Variants in MECOM observed in about 807,000 individuals in gnomAD.
The protein encoded by MECOM is histone-lysine N-methyltransferase MECOM.
Under a neutral mutation model 116.3 loss-of-function variants are expected in MECOM, and 13 were observed. That is an observed-to-expected ratio of 0.11 (90% CI 0.07 to 0.18). The LOEUF (loss-of-function observed/expected upper bound fraction) is 0.18. Ranked by LOEUF, MECOM falls within the 10% of genes least tolerant of loss-of-function variation. The pLI is 1.00. For synonymous variants in MECOM, 528 were observed against 535.2 expected (o/e 0.99, Z 0.19); for missense variants, 1,299 against 1,509.0 (o/e 0.86, Z 2.31).
At chr3:169,089,857 T>C (rs1719083965) in intron 15 of MECOM, 143 bp downstream of exon 15, 1 of 1,321,006 alleles carries the variant, frequency 7.6e-7, no homozygotes, top group African/African-American at 1.5e-5. Context: ...TTCATCTATT[T>C]AAATCTGATC....
At chr3:169,620,303 C>T (rs983550355) in intron 1 of MECOM, among the ~76,000 whole-genome samples, 1 of 152,212 alleles carries the variant, frequency 6.6e-6, no homozygotes, top group Non-Finnish European at 1.5e-5. Flanking sequence ...TCTGCTTCCT[C>T]TCTGTTAATG....
chr3:169,384,891 TCAA>T (rs1490149222), intron 1 of MECOM, among the ~76,000 whole-genome samples: 2 of 151,872 alleles, frequency 1.3e-5, no homozygotes, highest in East Asian at 3.9e-4. Context: ...TTGCCTGAGC[TCAA>T]GCGTTCGAGA....
At chr3:169,192,791 C>T (rs1747887386) in intron 2 of MECOM, among the ~76,000 whole-genome samples, 1 of 151,988 alleles carries the variant, frequency 6.6e-6, no homozygotes, top group Non-Finnish European at 1.5e-5. Flanking sequence ...TAAAGACCTC[C>T]CCTGAATTAT....
In MECOM at chr3:169,564,645, T is replaced by C. The variant is rs554892834; in HGVS notation, c.37+98691A>G. Among the ~76,000 whole-genome samples the C allele has an allele frequency of 2.6e-4, 40 of 152,378 alleles. No homozygotes were observed. In the South Asian group the frequency reaches 8.1e-3, roughly 31 times the overall value. On this transcript the variant is annotated intron_variant, in intron 1 of 16. Coordinates refer to ENST00000651503, the MANE Select transcript of MECOM (RefSeq NM_004991.4). Reference sequence around the variant, plus strand: ...CTTATATAAAAAATGGTATTGCCCATGCAAGTCCAATGAAACAAGTTTCCT... The same window carrying C: ...CTTATATAAAAAATGGTATTGCCCACGCAAGTCCAATGAAACAAGTTTCCT...
At chr3:169,362,547 T>G (rs1159986592) in intron 2 of MECOM, among the ~76,000 whole-genome samples, 1 of 151,696 alleles carries the variant, frequency 6.6e-6, no homozygotes, top group African/African-American at 2.4e-5. Flanking sequence ...ATGGCCAGAT[T>G]GTTGAGGAAA....
intron 1 of MECOM, among the ~76,000 whole-genome samples, chr3:169,455,475 G>A (rs1746321318): frequency 6.6e-6 from 1 of 152,114 alleles, no homozygotes. Context: ...CTATTAAAGG[G>A]ATCATAGAAG....
chr3:169,090,599 T>C (rs1719391168), intron 14 of MECOM, among the ~76,000 whole-genome samples: 1 of 152,016 alleles, frequency 6.6e-6, no homozygotes, highest in Non-Finnish European at 1.5e-5. Flanking sequence ...GCCATGTAAG[T>C]ACCCACCATT....
intron 2 of MECOM, among the ~76,000 whole-genome samples, chr3:169,299,400 G>A (rs1224696120): frequency 6.6e-6 from 1 of 152,168 alleles, no homozygotes; most frequent in East Asian, 1.9e-4. Context: ...TTCCTCACCT[G>A]ATTCTACCAG....
At chr3:169,136,077 A>G (rs897076356) in intron 3 of MECOM, among the ~76,000 whole-genome samples, 3 of 151,724 alleles carry the variant, frequency 2.0e-5, no homozygotes, top group Non-Finnish European at 4.4e-5. Flanking sequence ...ATTTATTTTA[A>G]TCAAACCCTG....
At chr3:169,199,777 A>G (rs768170074) in intron 2 of MECOM, among the ~76,000 whole-genome samples, 2 of 152,108 alleles carry the variant, frequency 1.3e-5, no homozygotes, top group African/African-American at 2.4e-5. Context: ...AAGGGATTAG[A>G]TAAGTTGAGA....
At chr3:169,350,161 C>T (rs1045820251) in intron 2 of MECOM, among the ~76,000 whole-genome samples, 1 of 151,920 alleles carries the variant, frequency 6.6e-6, no homozygotes, top group Non-Finnish European at 1.5e-5. Flanking sequence ...TGGTTTTGTG[C>T]TTGTTATTCT....
At chr3:169,089,462 CAT>C (rs1172983818) in intron 15 of MECOM, among the ~76,000 whole-genome samples, 1 of 152,082 alleles carries the variant, frequency 6.6e-6, no homozygotes, top group Non-Finnish European at 1.5e-5. Context: ...AGACAGAATT[CAT>C]ATATTCATTA....
intron 2 of MECOM, among the ~76,000 whole-genome samples, chr3:169,273,201 A>G (rs944055755): frequency 1.3e-5 from 2 of 152,180 alleles, no homozygotes; most frequent in African/African-American, 4.8e-5. Flanking sequence ...TTTGCCACAA[A>G]TAAGGCATCA....
intron 1 of MECOM, among the ~76,000 whole-genome samples, chr3:169,598,962 A>G (rs997186745): frequency 1.3e-5 from 2 of 152,210 alleles, no homozygotes; most frequent in African/African-American, 4.8e-5. Flanking sequence ...GTGACTGCCT[A>G]ATAGAATTGT....
At chr3:169,601,802 A>G (rs1389557891) in intron 1 of MECOM, among the ~76,000 whole-genome samples, 1 of 152,218 alleles carries the variant, frequency 6.6e-6, no homozygotes, top group East Asian at 1.9e-4. Context: ...AAACTGCACA[A>G]ATTCCAAAAT....
chr3:169,415,897 GAGACTT>G (rs1738507346), intron 1 of MECOM, among the ~76,000 whole-genome samples: 1 of 152,042 alleles, frequency 6.6e-6, no homozygotes, highest in African/African-American at 2.4e-5. Flanking sequence ...GACCTACAAA[GAGACTT>G]AGACTCCAAC....
chr3:169,393,269 C>G (rs1245162462), intron 1 of MECOM, among the ~76,000 whole-genome samples: 1 of 152,092 alleles, frequency 6.6e-6, no homozygotes, highest in African/African-American at 2.4e-5. Flanking sequence ...GCCAGAGCAC[C>G]CTGGAACCTC....
chr3:169,411,376 A>T (rs149322107), intron 1 of MECOM, among the ~76,000 whole-genome samples: 1,562 of 152,120 alleles, frequency 0.01, 13 homozygotes, highest in Middle Eastern at 0.031. Flanking sequence ...CTTTCTTGAA[A>T]CTCTCTCTGT....
intron 2 of MECOM, among the ~76,000 whole-genome samples, chr3:169,282,756 T>C (rs979265521): frequency 6.6e-6 from 1 of 152,008 alleles, no homozygotes; most frequent in Non-Finnish European, 1.5e-5. Context: ...AGTGTGCACC[T>C]CCAATATGTT....
Sources: allele counts gnomAD v4.1 joint callset (sites outside exome capture counted in the v4.1 genomes callset), GRCh38; gene constraint gnomAD v4.1.1; transcripts MANE v1.5; gene names NCBI Gene and HGNC (gene_info 2026-07-23, HGNC 2026-07-21).